Variants in GALNT17 observed in about 807,000 individuals in gnomAD.
The protein encoded by GALNT17 is UDP-GalNAc:polypeptide N-acetylgalactosaminyltransferase-like 3.
GALNT17 carries 29 observed loss-of-function variants against 63.7 expected under a neutral mutation model. The ratio of observed to expected loss-of-function variants is 0.46; its 90% CI spans 0.34 to 0.62. The LOEUF is 0.62. GALNT17 is among the 20% of genes least tolerant of loss of function. The pLI is 0.01. For synonymous variants in GALNT17, 305 were observed against 318.3 expected (o/e 0.96, Z 0.45); for missense variants, 603 against 799.6 (o/e 0.75, Z 2.97).
At chr7:71,371,987 A>G (rs1210183866) in intron 2 of GALNT17, among the ~76,000 whole-genome samples, 1 of 151,992 alleles carries the variant, frequency 6.6e-6, no homozygotes, top group Non-Finnish European at 1.5e-5. Context: ...AATTAGAGTT[A>G]TTATGTTGTG....
chr7:71,227,548 A>G (rs895656937), intron 1 of GALNT17, among the ~76,000 whole-genome samples: 1 of 152,016 alleles, frequency 6.6e-6, no homozygotes, highest in Non-Finnish European at 1.5e-5. Flanking sequence ...TTCATAAGCC[A>G]TGATTATGTT....
At chr7:71,192,494 C>G (rs1788970457) in intron 1 of GALNT17, among the ~76,000 whole-genome samples, 1 of 151,578 alleles carries the variant, frequency 6.6e-6, no homozygotes, top group Non-Finnish European at 1.5e-5. Flanking sequence ...CTCCCAGGTT[C>G]AAGTGATCCT....
intron 5 of GALNT17, among the ~76,000 whole-genome samples, chr7:71,539,278 GC>G (rs1487463331): frequency 2.6e-5 from 4 of 152,032 alleles, no homozygotes; most frequent in African/African-American, 9.7e-5. Flanking sequence ...CTCTCTGGGC[GC>G]TTGGCATGGG....
rs74473927 is a variant in GALNT17 at position 71,411,701 on chromosome 7, G to A, written c.590-4188G>A. Among the ~76,000 whole-genome samples the A allele has an allele frequency of 7.9e-4, 120 of 152,306 alleles. 1 individual carries two copies. The East Asian group carries it at 0.022, about 29-fold the overall frequency. On this transcript the variant is annotated intron_variant, in intron 3 of 10. Transcript: ENST00000333538. ...TCCTTGTATTGACCCTGCCCCTGCA[G>A]GAGACAGCTGCATCTGCAGGGATTT... is the stretch of plus-strand genomic sequence containing the variant.
intron 6 of GALNT17, among the ~76,000 whole-genome samples, chr7:71,654,325 G>A (rs910055276): frequency 5.3e-5 from 8 of 152,144 alleles, no homozygotes; most frequent in African/African-American, 1.2e-4. Flanking sequence ...GCGCCCGGCC[G>A]GCTGGAGGGT....
intron 1 of GALNT17, among the ~76,000 whole-genome samples, chr7:71,324,757 G>A (rs1055328871): frequency 6.9e-5 from 6 of 87,306 alleles, no homozygotes; most frequent in South Asian, 3.6e-4. Flanking sequence ...ATATGCGTGC[G>A]TGTATATATA....
intron 1 of GALNT17, among the ~76,000 whole-genome samples, chr7:71,323,447 T>G (rs1322947965): frequency 1.3e-5 from 2 of 152,212 alleles, no homozygotes; most frequent in African/African-American, 4.8e-5. Context: ...GGGAACATTT[T>G]ACTCCATTCT....
chr7:71,586,928 A>T (rs1789727193), intron 6 of GALNT17, among the ~76,000 whole-genome samples: 1 of 152,188 alleles, frequency 6.6e-6, no homozygotes, highest in Admixed American at 6.5e-5. Flanking sequence ...TATTCACCCT[A>T]CTGACCTATC....
intron 1 of GALNT17, among the ~76,000 whole-genome samples, chr7:71,190,872 C>G (rs1276387884): frequency 6.6e-6 from 1 of 152,108 alleles, no homozygotes; most frequent in African/African-American, 2.4e-5. Context: ...CTCAAATGAT[C>G]TGCCTGCCCC....
chr7:71,281,168 T>C (rs572986984), intron 1 of GALNT17, among the ~76,000 whole-genome samples: 1 of 152,226 alleles, frequency 6.6e-6, no homozygotes, highest in East Asian at 1.9e-4. Flanking sequence ...AAACACAGTG[T>C]TATTCAACAA....
At chr7:71,364,938 A>ATTTTTATTT (rs112113206) in intron 2 of GALNT17, among the ~76,000 whole-genome samples, 99,973 of 150,786 alleles carry the variant, frequency 0.66, 33,697 homozygotes, top group East Asian at 0.96. Flanking sequence ...TTTTTTTATT[A>ATTTTTATTT]TTTTTATTTT....
chr7:71,283,887 T>A (rs1790820720), intron 1 of GALNT17: 1 of 151,956 alleles, frequency 6.6e-6, no homozygotes, highest in Non-Finnish European at 1.5e-5. Flanking sequence ...ATCAGTGCTC[T>A]GTAGCTGCAA....
At chr7:71,215,581 A>G (rs1789462208) in intron 1 of GALNT17, among the ~76,000 whole-genome samples, 2 of 152,136 alleles carry the variant, frequency 1.3e-5, no homozygotes, top group Admixed American at 6.6e-5. Context: ...ACTAATGTTC[A>G]GTTTTTCAAT....
At chr7:71,287,310 A>C (rs1790893257) in intron 1 of GALNT17, among the ~76,000 whole-genome samples, 1 of 151,390 alleles carries the variant, frequency 6.6e-6, no homozygotes, top group African/African-American at 2.4e-5. Flanking sequence ...GGCTTGTCAC[A>C]AACTCCTGGG....
intron 1 of GALNT17, among the ~76,000 whole-genome samples, chr7:71,246,513 T>C (rs1349825561): frequency 6.6e-6 from 1 of 151,518 alleles, no homozygotes; most frequent in Non-Finnish European, 1.5e-5. Flanking sequence ...ATTTAATCAA[T>C]AGACTGCTAT....
chr7:71,422,923 G>T (rs887319645), intron 5 of GALNT17, among the ~76,000 whole-genome samples: 1 of 152,276 alleles, frequency 6.6e-6, no homozygotes, highest in Middle Eastern at 3.4e-3. Context: ...GGAGTGGGAA[G>T]GTGGTCTTCC....
chr7:71,638,386 C>A (rs185143495), intron 6 of GALNT17, among the ~76,000 whole-genome samples: 9 of 152,268 alleles, frequency 5.9e-5, no homozygotes, highest in Admixed American at 1.3e-4. Flanking sequence ...CTTTATCTTA[C>A]CCATCCCCTA....
intron 1 of GALNT17, among the ~76,000 whole-genome samples, chr7:71,170,391 A>G (rs540882324): frequency 1.8e-4 from 27 of 152,162 alleles, no homozygotes; most frequent in South Asian, 1.2e-3. Context: ...GCTGTAGAGC[A>G]GTGGTGCCAT....
At chr7:71,608,002 C>T (rs1016092296) in intron 6 of GALNT17, among the ~76,000 whole-genome samples, 1 of 152,196 alleles carries the variant, frequency 6.6e-6, no homozygotes, top group Non-Finnish European at 1.5e-5. Context: ...TTGAATGACT[C>T]TCTAGAGCAG....
Sources: allele counts gnomAD v4.1 joint callset (sites outside exome capture counted in the v4.1 genomes callset), GRCh38; gene constraint gnomAD v4.1.1; transcripts MANE v1.5; gene names NCBI Gene and HGNC (gene_info 2026-07-23, HGNC 2026-07-21).